The following EXOC4 variants were observed in gnomAD, a reference collection of about 807,000 sequenced individuals.
The protein encoded by EXOC4 is SEC8-like 1.
In EXOC4, 71 loss-of-function variants were observed where a neutral mutation model predicts 107.2. The ratio of observed to expected loss-of-function variants is 0.66; its 90% CI spans 0.55 to 0.81. The LOEUF is 0.81. Ranked by LOEUF, EXOC4 falls within the 30% of genes least tolerant of loss-of-function variation. EXOC4 has a pLI of 0.00. For synonymous variants in EXOC4, 456 were observed against 441.2 expected (o/e 1.03, Z -0.42); for missense variants, 1,108 against 1,189.6 (o/e 0.93, Z 1.01).
intron 4 of EXOC4, among the ~76,000 whole-genome samples, chr7:133,314,512 T>G (rs1794945848): frequency 6.6e-6 from 1 of 152,170 alleles, no homozygotes; most frequent in Admixed American, 6.5e-5. Context: ...GATAATAAAA[T>G]CAGCAGGTTA....
chr7:133,581,599 A>G (rs960687374), intron 9 of EXOC4, among the ~76,000 whole-genome samples: 6 of 151,638 alleles, frequency 4.0e-5, no homozygotes, highest in Admixed American at 1.3e-4. Flanking sequence ...TCTACTAAAA[A>G]TACAAAAAAT....
intron 12 of EXOC4, among the ~76,000 whole-genome samples, chr7:133,917,139 T>C (rs1327432205): frequency 6.6e-6 from 1 of 152,186 alleles, no homozygotes; most frequent in Non-Finnish European, 1.5e-5. Flanking sequence ...CTAGAACTAA[T>C]TGATAGTTTA....
intron 7 of EXOC4, among the ~76,000 whole-genome samples, chr7:133,402,878 AAT>A (rs1476742645): frequency 1.4e-5 from 2 of 145,336 alleles, no homozygotes; most frequent in Admixed American, 6.9e-5. Context: ...GCAAGAGCCT[AAT>A]ATTTTTTTTT....
chr7:133,398,777 C>T (rs1797027083), intron 7 of EXOC4, among the ~76,000 whole-genome samples: 1 of 152,160 alleles, frequency 6.6e-6, no homozygotes. Context: ...CTTTCAGTGC[C>T]ACTCTAACTT....
At chr7:133,766,653 C>T (rs1796143776) in intron 10 of EXOC4, among the ~76,000 whole-genome samples, 1 of 151,960 alleles carries the variant, frequency 6.6e-6, no homozygotes, top group African/African-American at 2.4e-5. Flanking sequence ...TAAGGAAAAC[C>T]TTGCCTGCCC....
chr7:133,726,071 A>T (rs543481929), intron 10 of EXOC4, among the ~76,000 whole-genome samples: 4 of 152,218 alleles, frequency 2.6e-5, no homozygotes, highest in Non-Finnish European at 5.9e-5. Flanking sequence ...ATCCAAGGGA[A>T]GTTTGGAGGT....
chr7:134,009,259 T>C (rs538816807), intron 17 of EXOC4, among the ~76,000 whole-genome samples: 142 of 152,322 alleles, frequency 9.3e-4, no homozygotes, highest in African/African-American at 3.3e-3. Flanking sequence ...TTGATTTTTT[T>C]GATTCTTTGA....
chr7:133,896,859 TTCACCATGTTGGCC>T lies in EXOC4; in HGVS notation c.1871+1125_1871+1138del, dbSNP rs1799325587. 1.5e-4 allele frequency among the ~76,000 whole-genome samples: 8 copies of T among 51,774 alleles called. 2 individuals are homozygous for T. In the East Asian group the frequency reaches 3.6e-3, roughly 23 times the overall value. The allele number at this position is 51,774 out of a possible 152,430, so 34.0% of individuals were successfully genotyped here. On this transcript the variant is annotated intron_variant, in intron 12 of 17. Transcript: ENST00000253861. ...TTTGTATTTTTAGTAGAGATGGGGT[TTCACCATGTTGGCC>T]AGGCTGGTCGCGAATTCCTAACCTC...
chr7:133,698,876 CTG>C (rs1490584341), intron 10 of EXOC4, among the ~76,000 whole-genome samples: 4 of 151,982 alleles, frequency 2.6e-5, no homozygotes, highest in East Asian at 1.9e-4. Flanking sequence ...TAAAAGCTGA[CTG>C]TAACAATAAA....
intron 17 of EXOC4, among the ~76,000 whole-genome samples, chr7:134,016,191 G>A (rs1469273292): frequency 6.6e-6 from 1 of 152,146 alleles, no homozygotes; most frequent in Non-Finnish European, 1.5e-5. Context: ...TCCAAGTGGA[G>A]ACATCTAACA....
At chr7:133,916,242 G>C (rs2116629428) in intron 12 of EXOC4, among the ~76,000 whole-genome samples, 1 of 152,356 alleles carries the variant, frequency 6.6e-6, no homozygotes, top group Middle Eastern at 3.4e-3. Context: ...TGCTACCGCT[G>C]ATCTGGCAGG....
At chr7:133,646,061 A>T (rs1802982828) in intron 10 of EXOC4, among the ~76,000 whole-genome samples, 1 of 150,740 alleles carries the variant, frequency 6.6e-6, no homozygotes, top group South Asian at 2.1e-4. Flanking sequence ...CAAACAGCAT[A>T]CATATCAGAG....
chr7:133,638,161 G>A (rs940264385), intron 10 of EXOC4, among the ~76,000 whole-genome samples: 1 of 152,128 alleles, frequency 6.6e-6, no homozygotes, highest in African/African-American at 2.4e-5. Flanking sequence ...TGCTTCATAA[G>A]TATGGATTAT....
At chr7:134,031,641 A>G (rs914137206) in intron 17 of EXOC4, among the ~76,000 whole-genome samples, 1 of 152,208 alleles carries the variant, frequency 6.6e-6, no homozygotes, top group African/African-American at 2.4e-5. Context: ...TCCAGCTGGA[A>G]GAAGACTTGC....
At chr7:133,330,998 T>C (rs946585292) in intron 5 of EXOC4, among the ~76,000 whole-genome samples, 1 of 152,002 alleles carries the variant, frequency 6.6e-6, no homozygotes, top group Non-Finnish European at 1.5e-5. Context: ...ATCATTTAAA[T>C]GATGCAACAG....
At chr7:133,980,044 A>T (rs1793942809) in intron 14 of EXOC4, among the ~76,000 whole-genome samples, 1 of 152,142 alleles carries the variant, frequency 6.6e-6, no homozygotes, top group African/African-American at 2.4e-5. Context: ...GTATGAAAAG[A>T]TAAAATTTGA....
Position 133,356,591 on chromosome 7 carries a change from T to C in EXOC4, c.1007+18T>C. The C allele has an allele frequency of 6.2e-7, 1 of 1,612,762 alleles. No individual in the cohort carries two copies. Among genetic ancestry groups the C allele is most frequent in the Non-Finnish European group, 8.5e-7 (1 of 1,179,216 alleles). On this transcript the variant is annotated intron_variant, in intron 6 of 17. Transcript: ENST00000253861. Reference sequence around the variant, plus strand: ...CAACCAAGGTAGGTGGGAGTGTATTTTGTATTTTTGACAACTCTATTTATT... The same window carrying C: ...CAACCAAGGTAGGTGGGAGTGTATTCTGTATTTTTGACAACTCTATTTATT...
At chr7:133,283,720 A>G (rs764078044) in intron 2 of EXOC4, among the ~76,000 whole-genome samples, 4 of 152,174 alleles carry the variant, frequency 2.6e-5, no homozygotes, top group Non-Finnish European at 5.9e-5. Context: ...ATGTGTTACC[A>G]TCACCCCAGA....
chr7:133,985,253 A>G (rs1038990410), intron 14 of EXOC4, among the ~76,000 whole-genome samples: 1 of 152,232 alleles, frequency 6.6e-6, no homozygotes, highest in Non-Finnish European at 1.5e-5. Flanking sequence ...AAAAGAAAGT[A>G]GGTCTCTGCC....
Sources: gnomAD v4.1 joint callset for allele counts (sites outside exome capture counted in the v4.1 genomes callset) on GRCh38, gnomAD v4.1.1 for gene constraint, MANE v1.5 for transcripts, NCBI Gene and HGNC (gene_info 2026-07-23, HGNC 2026-07-21) for gene names.